Variants in LPO observed in about 807,000 individuals in gnomAD.
The protein encoded by LPO is salivary peroxidase.
In LPO, 70 loss-of-function variants were observed where a neutral mutation model predicts 68.4. The observed-to-expected ratio is 1.02, with a 90% confidence interval of 0.84 to 1.25. The LOEUF (loss-of-function observed/expected upper bound fraction) is 1.25, where lower values mean the gene tolerates loss of function less well. LPO is among the 50% of genes most tolerant of loss of function. The pLI is 0.00. For missense variants in LPO, 873 were observed against 908.4 expected (o/e 0.96, Z 0.50); for synonymous variants, 360 against 357.6 (o/e 1.01, Z -0.08).
intron 3 of LPO, 132 bp downstream of exon 3, chr17:58,244,213 T>A: frequency 1.4e-6 from 1 of 706,498 alleles, no homozygotes; most frequent in Non-Finnish European, 2.5e-6. Flanking sequence ...ATGATAAAAC[T>A]TACCCTTCCA....
intron 5 of LPO, 27 bp downstream of exon 5, chr17:58,249,204 G>T (rs1380113810): frequency 1.3e-6 from 2 of 1,581,210 alleles, no homozygotes; most frequent in Non-Finnish European, 1.7e-6. Flanking sequence ...TGTGGGGGCC[G>T]ACCATTCCAG....
At chr17:58,249,829 C>T (rs1257338740) in intron 6 of LPO, 134 bp downstream of exon 6, 3 of 1,285,100 alleles carry the variant, frequency 2.3e-6, no homozygotes, top group Non-Finnish European at 1.0e-6. Context: ...GCACAGACCC[C>T]CACCTTCCGC....
chr17:58,255,041 C>T, intron 9 of LPO, 70 bp downstream of exon 9: 1 of 1,537,714 alleles, frequency 6.5e-7, no homozygotes, highest in South Asian at 1.2e-5. Flanking sequence ...CCTCTGCTGG[C>T]TGCTGTGCCT....
chr17:58,253,650 C>T (rs554535376), intron 8 of LPO, among the ~76,000 whole-genome samples: 5 of 152,294 alleles, frequency 3.3e-5, no homozygotes, highest in African/African-American at 9.6e-5. Flanking sequence ...TTGGACAAAC[C>T]CCCTGGCCAC....
At chr17:58,245,242 T>C (rs1226864671) in intron 3 of LPO, among the ~76,000 whole-genome samples, 1 of 152,168 alleles carries the variant, frequency 6.6e-6, no homozygotes, top group African/African-American at 2.4e-5. Context: ...CTTCTCCCTC[T>C]TTCTGGGGCT....
chr17:58,245,279 C>T (rs1318954415), intron 3 of LPO, among the ~76,000 whole-genome samples: 2 of 152,068 alleles, frequency 1.3e-5, no homozygotes, highest in Non-Finnish European at 2.9e-5. Context: ...GGTTTCTGCT[C>T]CTTGGGGGTT....
chr17:58,255,042 T>G, intron 9 of LPO, 71 bp downstream of exon 9: 1 of 1,539,792 alleles, frequency 6.5e-7, no homozygotes, highest in South Asian at 1.2e-5. Flanking sequence ...CTCTGCTGGC[T>G]GCTGTGCCTC....
At chr17:58,251,789 A>G in intron 7 of LPO, 1 of 521,638 alleles carries the variant, frequency 1.9e-6, no homozygotes. Flanking sequence ...GAGATGAGTT[A>G]AAGTATGCAT....
chr17:58,267,639 G>T (rs541854302), intron 12 of LPO, 53 bp downstream of exon 12: 2 of 1,520,792 alleles, frequency 1.3e-6, no homozygotes, highest in African/African-American at 1.4e-5. Flanking sequence ...TCCAAGAGGG[G>T]TGTCCCAAGG....
chr17:58,266,882 C>A (rs540440150), intron 11 of LPO, among the ~76,000 whole-genome samples: 2 of 152,290 alleles, frequency 1.3e-5, no homozygotes, highest in South Asian at 2.1e-4. Context: ...AGGTCACCAA[C>A]TAACTTTAAA....
chr17:58,250,522 C>A lies in LPO; in HGVS notation c.681C>A (p.Asp227Glu). ...FMQWGQIVDHDLDFAPDTELG... is the reference protein window; with the variant it reads ...FMQWGQIVDHELDFAPDTELG... ...AGTGGGGTCAGATTGTGGATCATGA[C>A]CTGGACTTTGCCCCTGACACCGAGC... Residue 227 changes from aspartate (D) to glutamate (E), a missense_variant, in exon 7 of 13, where the codon GAC (aspartate) becomes GAA (glutamate). By Grantham distance (45) the Asp-to-Glu change is conservative. Coordinates refer to ENST00000262290, the MANE Select transcript of LPO (RefSeq NM_006151.3). 1 of 1,614,118 alleles carries A rather than the reference C, an allele frequency of 6.2e-7. No homozygotes were observed. The highest frequency in any genetic ancestry group is 1.7e-4 in the Middle Eastern group (1 of 6,060).
Position 58,254,808 on chromosome 17 carries a change from C to G in LPO, c.1106-3C>G. ...TCTACCTTCCTGCCTTCTGGGCTTT[C>G]AGGAGATTCTCGAGCCTCAGAGCAT... On this transcript the variant is annotated splice_polypyrimidine_tract_variant and splice_region_variant and intron_variant, in intron 8 of 12. Coordinates refer to ENST00000262290, the MANE Select transcript of LPO (RefSeq NM_006151.3). 2 of 1,613,780 alleles carry G rather than the reference C, an allele frequency of 1.2e-6. No individual in the cohort carries two copies. Among genetic ancestry groups the G allele is most frequent in the Non-Finnish European group, 8.5e-7 (1 of 1,179,818 alleles).
chr17:58,266,418 T>C, intron 11 of LPO, 92 bp downstream of exon 11: 3 of 1,368,492 alleles, frequency 2.2e-6, no homozygotes, highest in Non-Finnish European at 3.0e-6. Flanking sequence ...GAGGATCTGA[T>C]CATCTGATCA....
rs541442176 is a variant in LPO at position 58,249,135 on chromosome 17, C to T, written c.401C>T (p.Pro134Leu). ...CCTGCTCCCGTGGTGAGATGCGACC[C>T]GTGCAGCCCTTACCGCACCATTACG... ...GAPAPVVRCDPCSPYRTITGD... is the reference protein window; with the variant it reads ...GAPAPVVRCDLCSPYRTITGD... Residue 134 changes from proline (P) to leucine (L), a missense_variant, in exon 5 of 13, where the codon CCG (proline) becomes CTG (leucine). Coordinates refer to ENST00000262290, the MANE Select transcript of LPO (RefSeq NM_006151.3). 4 of 1,614,200 alleles carry T rather than the reference C, an allele frequency of 2.5e-6. No homozygotes were observed. Among genetic ancestry groups the T allele is most frequent in the Non-Finnish European group, 3.4e-6 (4 of 1,180,038 alleles).
chr17:58,267,189 T>C (rs1970283354), intron 11 of LPO, among the ~76,000 whole-genome samples, 160 bp from the exon 12 acceptor site: 1 of 152,174 alleles, frequency 6.6e-6, no homozygotes, highest in Non-Finnish European at 1.5e-5. Context: ...CCCCTTAAGA[T>C]TGAAGTGCAG....
chr17:58,250,885 G>A (rs2143907578), intron 7 of LPO: 2 of 487,092 alleles, frequency 4.1e-6, no homozygotes, highest in Non-Finnish European at 3.7e-6. Flanking sequence ...GGGCCAGTGT[G>A]GGAATTGGAC....
intron 2 of LPO, chr17:58,243,702 A>G: frequency 2.1e-6 from 1 of 483,418 alleles, no homozygotes; most frequent in Non-Finnish European, 3.8e-6. Context: ...CCCACAGTCC[A>G]GTAGCCCAAG....
rs1304896838 is a variant in LPO, at chr17:58,268,283, T to C, written c.*289T>C. 2 of 441,570 alleles carry C rather than the reference T, an allele frequency of 4.5e-6. No homozygotes were observed. Among genetic ancestry groups the C allele is most frequent in the African/African-American group, 4.0e-5 (2 of 50,142 alleles). 27.4% of individuals were successfully genotyped at this position (441,570 alleles called of 1,614,324 possible). The stretch of plus-strand genomic sequence containing the variant: ...TTACCTGTCCTCTTCCCTCCACAAG[T>C]CTTGGCCCTTAACCTTTATCTTTCT... On this transcript the variant is annotated 3_prime_UTR_variant, in exon 13 of 13. Transcript: ENST00000262290.
At chr17:58,266,468 GT>G (rs575540926) in intron 11 of LPO, 142 bp downstream of exon 11, 2,374 of 810,168 alleles carry the variant, frequency 2.9e-3, no homozygotes, top group Middle Eastern at 3.6e-3. Context: ...TTTGTTTGAG[GT>G]TTTTTTTTTG....
Sources: gnomAD v4.1 joint callset for allele counts (sites outside exome capture counted in the v4.1 genomes callset) on GRCh38, gnomAD v4.1.1 for gene constraint, MANE v1.5 for transcripts, NCBI Gene and HGNC (gene_info 2026-07-23, HGNC 2026-07-21) for gene names.